Variants in MSRB3 observed in about 807,000 individuals in gnomAD.
MSRB3 encodes the protein methionine sulfoxide reductase B3.
MSRB3 carries 13 observed loss-of-function variants against 21.0 expected under a neutral mutation model. The observed-to-expected ratio is 0.62, with a 90% CI of 0.40 to 0.98. MSRB3 has a LOEUF of 0.98. MSRB3 is among the 50% of genes least tolerant of loss of function. The pLI is 0.00. For missense variants in MSRB3, 199 were observed against 230.3 expected (o/e 0.86, Z 0.88); for synonymous variants, 87 against 88.6 (o/e 0.98, Z 0.10).
At chr12:65,417,261 G>A (rs1252662209) in intron 5 of MSRB3, among the ~76,000 whole-genome samples, 1 of 152,094 alleles carries the variant, frequency 6.6e-6, no homozygotes, top group Non-Finnish European at 1.5e-5. Context: ...ACATTAGCAG[G>A]TAGGAAAATG....
At chr12:65,337,280 A>C (rs1875838168) in intron 4 of MSRB3, among the ~76,000 whole-genome samples, 1 of 150,900 alleles carries the variant, frequency 6.6e-6, no homozygotes, top group African/African-American at 2.5e-5. Context: ...AAAAAAAACC[A>C]AAAATCAGCT....
intron 2 of MSRB3, among the ~76,000 whole-genome samples, chr12:65,324,906 G>A (rs537231178): frequency 2.0e-5 from 3 of 152,206 alleles, no homozygotes; most frequent in South Asian, 2.1e-4. Flanking sequence ...ATGAATGAAC[G>A]TATATTAACA....
At chr12:65,412,951 G>A (rs959737871) in intron 5 of MSRB3, among the ~76,000 whole-genome samples, 1 of 152,160 alleles carries the variant, frequency 6.6e-6, no homozygotes, top group Non-Finnish European at 1.5e-5. Context: ...GAACTCACTT[G>A]CTATTATGAG....
At chr12:65,399,202 G>A (rs1249666942) in intron 5 of MSRB3, among the ~76,000 whole-genome samples, 12 of 152,072 alleles carry the variant, frequency 7.9e-5, no homozygotes, top group Non-Finnish European at 1.2e-4. Context: ...TGAGCCGTAC[G>A]GCCATTTTCA....
chr12:65,444,932 C>G (rs1175319462), intron 5 of MSRB3, among the ~76,000 whole-genome samples: 1 of 152,148 alleles, frequency 6.6e-6, no homozygotes, highest in Non-Finnish European at 1.5e-5. Flanking sequence ...TTATATTCAT[C>G]CCTCCTACAT....
At chr12:65,384,304 C>T (rs1406469718) in intron 5 of MSRB3, among the ~76,000 whole-genome samples, 1 of 152,032 alleles carries the variant, frequency 6.6e-6, no homozygotes, top group African/African-American at 2.4e-5. Flanking sequence ...ATTTTGATAT[C>T]TATTATGTGT....
intron 5 of MSRB3, among the ~76,000 whole-genome samples, chr12:65,453,269 A>C (rs1161517344): frequency 1.3e-5 from 2 of 152,204 alleles, no homozygotes; most frequent in East Asian, 3.9e-4. Context: ...TTAACTATCC[A>C]AACTAGGTAC....
intron 5 of MSRB3, among the ~76,000 whole-genome samples, chr12:65,413,998 C>T (rs905050160): frequency 6.6e-6 from 1 of 152,170 alleles, no homozygotes; most frequent in South Asian, 2.1e-4. Flanking sequence ...AACAGAGAAG[C>T]AGGCCAGTAT....
At chr12:65,361,084 T>A (rs922538378) in intron 4 of MSRB3, among the ~76,000 whole-genome samples, 1 of 152,102 alleles carries the variant, frequency 6.6e-6, no homozygotes, top group Non-Finnish European at 1.5e-5. Flanking sequence ...TATTTTTTTT[T>A]AAACTTAGCT....
At chr12:65,332,236 G>C (rs1308458232) in intron 4 of MSRB3, among the ~76,000 whole-genome samples, 2 of 152,050 alleles carry the variant, frequency 1.3e-5, no homozygotes, top group African/African-American at 2.4e-5. Context: ...GTCACTATCA[G>C]GGGCCCTGTA....
At chr12:65,431,513 G>A (rs1240398750) in intron 5 of MSRB3, among the ~76,000 whole-genome samples, 3 of 152,038 alleles carry the variant, frequency 2.0e-5, no homozygotes, top group Non-Finnish European at 4.4e-5. Flanking sequence ...TAAAGGAAAA[G>A]GGGATAGAAT....
At chr12:65,441,814 A>G (rs374275894) in intron 5 of MSRB3, among the ~76,000 whole-genome samples, 3 of 152,124 alleles carry the variant, frequency 2.0e-5, no homozygotes, top group East Asian at 3.9e-4. Context: ...TTTCGATGTA[A>G]TCTATTAAAC....
intron 3 of MSRB3, 48 bp downstream of exon 3, chr12:65,326,982 C>T (rs1393957196): frequency 7.3e-7 from 1 of 1,375,198 alleles, no homozygotes; most frequent in African/African-American, 1.4e-5. Context: ...ATTTCTTCTC[C>T]CCCTGCCCTC....
At chr12:65,285,044 C>G (rs1239397240) in intron 1 of MSRB3, 17 of 152,184 alleles carry the variant, frequency 1.1e-4, no homozygotes, top group Admixed American at 1.1e-3. Context: ...CAAGACTGGA[C>G]AGAATGTGAA....
chr12:65,463,439 T>A lies in MSRB3; in HGVS notation c.*117T>A. The stretch of plus-strand genomic sequence containing the variant: ...AACTATAAGGGCAGTTTTGTGCTAT[T>A]GATATTTTTTCTTCTTTTGCTTAAA... On this transcript the variant is annotated 3_prime_UTR_variant, in exon 7 of 7. Coordinates refer to ENST00000308259, the MANE Select transcript of MSRB3 (RefSeq NM_001031679.3). The A allele has an allele frequency of 7.8e-7, 1 of 1,289,800 alleles. No individual in the cohort carries two copies. The highest frequency in any genetic ancestry group is 1.1e-6 in the Non-Finnish European group (1 of 939,114). 79.9% of individuals were successfully genotyped at this position (1,289,800 alleles called of 1,614,324 possible).
chr12:65,418,971 C>T, intron 5 of MSRB3: 1 of 708,406 alleles, frequency 1.4e-6, no homozygotes, highest in African/African-American at 1.7e-5. Context: ...TCTGTGTCAA[C>T]TCCAACTCCA....
intron 4 of MSRB3, among the ~76,000 whole-genome samples, chr12:65,362,527 G>T (rs903700965): frequency 6.6e-6 from 1 of 152,118 alleles, no homozygotes; most frequent in African/African-American, 2.4e-5. Flanking sequence ...TTTTAAGACA[G>T]GCTATTAGGT....
At chr12:65,281,469 T>A (rs12307788) in intron 1 of MSRB3, among the ~76,000 whole-genome samples, 14,771 of 152,218 alleles carry the variant, frequency 0.097, 1,936 homozygotes, top group African/African-American at 0.29. Flanking sequence ...CTGGCCTACC[T>A]TAGCCAGATG....
intron 1 of MSRB3, 106 bp downstream of exon 1, chr12:65,278,971 G>C (rs1040276872): frequency 3.3e-6 from 5 of 1,500,068 alleles, no homozygotes; most frequent in Non-Finnish European, 4.5e-6. Flanking sequence ...TGCGCCTGCT[G>C]CGCCCCCTCG....
Sources: allele counts gnomAD v4.1 joint callset (sites outside exome capture counted in the v4.1 genomes callset), GRCh38; gene constraint gnomAD v4.1.1; transcripts MANE v1.5; gene names NCBI Gene and HGNC (gene_info 2026-07-23, HGNC 2026-07-21).